Variants in GDAP1L1 observed in about 807,000 individuals in gnomAD.
GDAP1L1 encodes the protein ganglioside-induced differentiation-associated protein 1-like 1.
GDAP1L1 carries 21 observed loss-of-function variants against 37.1 expected under a neutral mutation model. The ratio of observed to expected loss-of-function variants is 0.57; its 90% CI spans 0.40 to 0.81. GDAP1L1 has a LOEUF of 0.81. Among genes scored for constraint, GDAP1L1 ranks in the 40% least tolerant of loss-of-function variants. The pLI, the probability that GDAP1L1 is intolerant of heterozygous loss-of-function variation, is 0.00. For missense variants in GDAP1L1, 362 were observed against 491.6 expected (o/e 0.74, Z 2.49); for synonymous variants, 193 against 209.1 (o/e 0.92, Z 0.67).
intron 1 of GDAP1L1, among the ~76,000 whole-genome samples, chr20:44,255,557 A>G (rs1031810699): frequency 2.3e-5 from 3 of 129,054 alleles, no homozygotes; most frequent in African/African-American, 5.0e-5. Context: ...AAAAAAAAAA[A>G]AAAAAAAAAA....
At chr20:44,278,031 G>A (rs923722717) in intron 5 of GDAP1L1, among the ~76,000 whole-genome samples, 12 of 151,780 alleles carry the variant, frequency 7.9e-5, no homozygotes, top group Non-Finnish European at 1.2e-4. Flanking sequence ...GTGCACACCT[G>A]TAATCCCAGC....
Position 44,263,290 on chromosome 20 carries a change from T to A in GDAP1L1, c.608T>A (p.Leu203His). Residue 203 changes from leucine (L) to histidine (H), a missense_variant, in exon 4 of 6, where the codon CTC becomes CAC. Leu to His is a moderately conservative substitution (Grantham distance 99, BLOSUM62 -3). Transcript: ENST00000342560. The part of the protein sequence containing the change: ...MKLDHEEEPQ[L>H]SEPYLSKQKK... ...CTGGACCATGAAGAGGAGCCCCAGC[T>A]CTCCGAGCCCTACCTTTCTAAACAA... 2 of 1,614,020 alleles carry A rather than the reference T, an allele frequency of 1.2e-6. No individual in the cohort carries two copies.
chr20:44,251,248 G>T (rs1293679840), intron 1 of GDAP1L1, among the ~76,000 whole-genome samples: 1 of 152,202 alleles, frequency 6.6e-6, no homozygotes, highest in Admixed American at 6.5e-5. Context: ...AATAAGAGTT[G>T]GCTGTTGTTA....
chr20:44,247,794 T>TGGGGGG (rs915847917), intron 1 of GDAP1L1, among the ~76,000 whole-genome samples: 1 of 98,750 alleles, frequency 1.0e-5, no homozygotes, highest in African/African-American at 3.3e-5. Flanking sequence ...CGGGGCGGGT[T>TGGGGGG]GGGGGGGCTG....
chr20:44,276,924 C>T (rs1185502739), intron 5 of GDAP1L1, among the ~76,000 whole-genome samples: 1 of 152,228 alleles, frequency 6.6e-6, no homozygotes, highest in Non-Finnish European at 1.5e-5. Flanking sequence ...CCTCCACCTC[C>T]TTTGCATCTT....
intron 3 of GDAP1L1, among the ~76,000 whole-genome samples, chr20:44,260,813 G>T (rs2073660036): frequency 1.3e-5 from 2 of 152,200 alleles, no homozygotes; most frequent in Admixed American, 1.3e-4. Context: ...GTGTGTCTGG[G>T]GAGGAGGGTC....
chr20:44,260,443 T>C (rs1175162568), intron 3 of GDAP1L1, among the ~76,000 whole-genome samples: 1 of 152,162 alleles, frequency 6.6e-6, no homozygotes, highest in Non-Finnish European at 1.5e-5. Flanking sequence ...AGACTGCAGC[T>C]GCAGAGGACA....
intron 3 of GDAP1L1, among the ~76,000 whole-genome samples, chr20:44,259,492 A>ATTTT (rs11481104): frequency 1.5e-5 from 2 of 132,512 alleles, no homozygotes; most frequent in African/African-American, 2.8e-5. Flanking sequence ...AAGACTCAGA[A>ATTTT]TTTTTTTTTT....
intron 5 of GDAP1L1, among the ~76,000 whole-genome samples, chr20:44,276,627 G>A (rs1479626675): frequency 1.3e-5 from 2 of 152,076 alleles, no homozygotes; most frequent in Non-Finnish European, 2.9e-5. Flanking sequence ...AGTTTATAGT[G>A]AATCATTTAA....
At chr20:44,265,499 C>T in intron 5 of GDAP1L1, 1 of 984,296 alleles carries the variant, frequency 1.0e-6, no homozygotes, top group Non-Finnish European at 1.2e-6. Context: ...GGCCGTAGAG[C>T]CCAGGGTCTA....
intron 2 of GDAP1L1, 59 bp from the exon 3 acceptor site, chr20:44,258,375 A>G: frequency 1.3e-6 from 2 of 1,503,224 alleles, no homozygotes; most frequent in Non-Finnish European, 1.8e-6. Context: ...TGCCGGGGGC[A>G]GGTGGCCGGG....
chr20:44,256,457 G>T (rs1232030457), intron 1 of GDAP1L1, among the ~76,000 whole-genome samples: 1 of 152,104 alleles, frequency 6.6e-6, no homozygotes, highest in Admixed American at 6.5e-5. Flanking sequence ...AGCACCTGAG[G>T]TCAGGAGTTG....
At chr20:44,260,184 G>T (rs116254318) in intron 3 of GDAP1L1, among the ~76,000 whole-genome samples, 1 of 151,842 alleles carries the variant, frequency 6.6e-6, no homozygotes, top group Non-Finnish European at 1.5e-5. Flanking sequence ...ATAAGTTATG[G>T]GTACTTCCAT....
At chr20:44,276,444 G>GAAAGAAAGAAAGA (rs2062580657) in intron 5 of GDAP1L1, among the ~76,000 whole-genome samples, 1 of 129,092 alleles carries the variant, frequency 7.7e-6, no homozygotes, top group Non-Finnish European at 1.7e-5. Flanking sequence ...AAGAAAGAAA[G>GAAAGAAAGAAAGA]AAAGAAAGAA....
At chr20:44,249,037 GA>G (rs1312040672) in intron 1 of GDAP1L1, among the ~76,000 whole-genome samples, 1 of 148,702 alleles carries the variant, frequency 6.7e-6, no homozygotes, top group Non-Finnish European at 1.5e-5. Context: ...TGAGTGTTAT[GA>G]TTTTTTTTTT....
chr20:44,247,198 G>A (rs1218008800), upstream of GDAP1L1: 4 of 865,586 alleles, frequency 4.6e-6, no homozygotes, highest in Non-Finnish European at 7.3e-6. Context: ...TCCCCCAACT[G>A]CCCGGTGAGT....
chr20:44,266,324 A>G (rs1275687270), intron 5 of GDAP1L1, among the ~76,000 whole-genome samples: 1 of 152,108 alleles, frequency 6.6e-6, no homozygotes, highest in Admixed American at 6.5e-5. Flanking sequence ...CCCAACCAAA[A>G]AAAAAAAAGG....
intron 5 of GDAP1L1, among the ~76,000 whole-genome samples, chr20:44,273,791 C>T (rs973503601): frequency 1.3e-5 from 2 of 152,144 alleles, no homozygotes; most frequent in Non-Finnish European, 2.9e-5. Flanking sequence ...CCAGCCACCT[C>T]CCCCACATCC....
At chr20:44,252,238 G>A (rs113231897) in intron 1 of GDAP1L1, among the ~76,000 whole-genome samples, 2,100 of 152,342 alleles carry the variant, frequency 0.014, 43 homozygotes, top group African/African-American at 0.047. Context: ...CCGGCCAGGC[G>A]TGGTGGCTCA....
Sources: allele counts gnomAD v4.1 joint callset (sites outside exome capture counted in the v4.1 genomes callset), GRCh38; gene constraint gnomAD v4.1.1; transcripts MANE v1.5; gene names NCBI Gene and HGNC (gene_info 2026-07-23, HGNC 2026-07-21).